NAA16: variants seen among roughly 807,000 people sequenced by gnomAD.
NAA16 encodes the protein NARG1-like protein.
NAA16 carries 97 observed loss-of-function variants against 110.3 expected under a neutral mutation model. The ratio of observed to expected loss-of-function variants is 0.88; its 90% CI spans 0.75 to 1.04. The LOEUF (loss-of-function observed/expected upper bound fraction) is 1.04. Among genes scored for constraint, NAA16 ranks in the 50% least tolerant of loss-of-function variants. The probability of loss-of-function intolerance (pLI) is 0.00; values close to 1 mark genes in which losing one functional copy is unlikely to be tolerated. For synonymous variants in NAA16, 372 were observed against 330.6 expected (o/e 1.13, Z -1.36); for missense variants, 1,017 against 1,005.1 (o/e 1.01, Z -0.16).
rs773104106 is a variant in NAA16, at chr13:41,373,654, C to T, written c.2173C>T (p.Leu725Phe). The change falls in exon 18 of 20, where the codon CTT (leucine) becomes TTT (phenylalanine). Residue 725 changes from leucine (L) to phenylalanine (F), a missense_variant. Coordinates refer to ENST00000379406, the MANE Select transcript of NAA16 (RefSeq NM_024561.5). ...FSKSVSNHSNLPDIVSKVLSQ... is the reference protein window; with the variant it reads ...FSKSVSNHSNFPDIVSKVLSQ... The stretch of plus-strand genomic sequence containing the variant: ...TTTTATAGTGTCTAATCATAGTAAT[C>T]TTCCAGACATTGTGAGCAAAGTTCT... 4.4e-6 allele frequency: 7 copies of T among 1,602,488 alleles called. No homozygotes were observed. In the East Asian group the frequency reaches 6.8e-5, roughly 15 times the overall value.
chr13:41,317,362 G>A (rs1338664503), intron 2 of NAA16, among the ~76,000 whole-genome samples: 1 of 151,852 alleles, frequency 6.6e-6, no homozygotes, highest in Non-Finnish European at 1.5e-5. Flanking sequence ...ATGTGCTGAC[G>A]TTTACATATG....
At chr13:41,349,065 A>T (rs2042759142) in intron 9 of NAA16, among the ~76,000 whole-genome samples, 1 of 152,080 alleles carries the variant, frequency 6.6e-6, no homozygotes, top group African/African-American at 2.4e-5. Context: ...TCTTGATCTA[A>T]AGAGCCAGGT....
chr13:41,345,133 A>T (rs1294219946), intron 9 of NAA16, among the ~76,000 whole-genome samples: 1 of 152,214 alleles, frequency 6.6e-6, no homozygotes, highest in South Asian at 2.1e-4. Flanking sequence ...GTTATTTTGA[A>T]TAATGCTGCT....
chr13:41,368,931 A>T (rs2043260608), intron 14 of NAA16, among the ~76,000 whole-genome samples, 159 bp from the exon 15 acceptor site: 1 of 152,204 alleles, frequency 6.6e-6, no homozygotes, highest in African/African-American at 2.4e-5. Context: ...GTCATTTTAT[A>T]TCACAGGCTT....
chr13:41,337,439 A>G (rs567628942), intron 9 of NAA16, among the ~76,000 whole-genome samples: 60 of 151,724 alleles, frequency 4.0e-4, no homozygotes, highest in African/African-American at 1.4e-3. Flanking sequence ...GCTACCCGGA[A>G]GCTTGAGGCA....
intron 9 of NAA16, among the ~76,000 whole-genome samples, chr13:41,337,235 C>G (rs1566264784): frequency 6.6e-6 from 1 of 152,090 alleles, no homozygotes; most frequent in Admixed American, 6.6e-5. Context: ...AAAGAATTGT[C>G]TTTCTGCTTT....
chr13:41,376,720 C>G lies in NAA16; in HGVS notation c.*1118C>G, dbSNP rs1246729205. On this transcript the variant is annotated 3_prime_UTR_variant, in exon 20 of 20. Transcript: ENST00000379406. ...TCTCGGCAAAATGAGATTTGAAACT[C>G]ATTAGTTTAACTCTTAAAACATAGT... The G allele has an allele frequency of 1.3e-5, 2 of 152,162 alleles. No homozygotes were observed. Among genetic ancestry groups the G allele is most frequent in the African/African-American group, 4.8e-5 (2 of 41,426 alleles). 9.4% of individuals were successfully genotyped at this position (152,162 alleles called of 1,614,324 possible). A position where few individuals can be genotyped will look rare whatever the true frequency, so the allele number is the denominator to read the frequency against.
Position 41,372,748 on chromosome 13 carries a change from G to A in NAA16, c.2073G>A (p.Met691Ile). ...IYFRKGKFLL[M>I]LQSVKRAFAI... Reference sequence around the variant, plus strand: ...CTGACACAGGAAAGTTTCTGTTAATGCTGCAGTCTGTCAAACGAGCTTTTG... The same window carrying A: ...CTGACACAGGAAAGTTTCTGTTAATACTGCAGTCTGTCAAACGAGCTTTTG... The change falls in exon 17 of 20, where the codon ATG becomes ATA. Residue 691 changes from methionine (M) to isoleucine (I), a missense_variant. Physicochemically the swap from Met to Ile is conservative, Grantham distance 10. Coordinates refer to ENST00000379406, the MANE Select transcript of NAA16 (RefSeq NM_024561.5). 6.2e-7 allele frequency: 1 copy of A among 1,600,340 alleles called. No homozygotes were observed. The highest frequency in any genetic ancestry group is 8.5e-7 in the Non-Finnish European group (1 of 1,171,936).
intron 10 of NAA16, among the ~76,000 whole-genome samples, chr13:41,356,276 C>T (rs1403797012): frequency 2.0e-5 from 3 of 152,218 alleles, no homozygotes; most frequent in Admixed American, 6.5e-5. Context: ...ATCTGCCTGT[C>T]TCAGCCTCCG....
Position 41,372,190 on chromosome 13 carries a change from T to C in NAA16, c.1948-13T>C. The stretch of plus-strand genomic sequence containing the variant: ...ATGTTTTTTAAATAATTTTCCTTTC[T>C]GTTTCAAAATAGGTAGAAAATCCAT... On this transcript the variant is annotated splice_polypyrimidine_tract_variant and intron_variant, in intron 15 of 19. Transcript: ENST00000379406. 1 of 1,506,380 alleles carries C rather than the reference T, an allele frequency of 6.6e-7. No homozygotes were observed. Among genetic ancestry groups the C allele is most frequent in the Non-Finnish European group, 8.9e-7 (1 of 1,121,018 alleles). 93.3% of individuals were successfully genotyped at this position (1,506,380 alleles called of 1,614,324 possible).
intron 2 of NAA16, among the ~76,000 whole-genome samples, chr13:41,317,972 T>TA (rs2041850889): frequency 6.6e-6 from 1 of 152,222 alleles, no homozygotes; most frequent in Non-Finnish European, 1.5e-5. Context: ...CTGATGTTAA[T>TA]TAGCCTAAGT....
Position 41,358,383 on chromosome 13 carries a change from G to A in NAA16, c.1167G>A (p.Gln389=), listed in dbSNP as rs2043040321. The part of the protein sequence containing the change: ...FLAQHFDKLG[Q]YSLALDYINA... Reference sequence around the variant, plus strand: ...CACAGCACTTTGATAAACTTGGACAGTATTCTTTGGCTTTGGATTATATTA... The same window carrying A: ...CACAGCACTTTGATAAACTTGGACAATATTCTTTGGCTTTGGATTATATTA... Residue 389 remains glutamine (Q), a synonymous_variant, in exon 11 of 20, where the codon CAG becomes CAA. Transcript: ENST00000379406. 6.2e-7 allele frequency: 1 copy of A among 1,613,794 alleles called. No individual in the cohort carries two copies. Among genetic ancestry groups the A allele is most frequent in the Non-Finnish European group, 8.5e-7 (1 of 1,179,722 alleles).
At chr13:41,350,626 TTG>T (rs1172995037) in intron 9 of NAA16, among the ~76,000 whole-genome samples, 4 of 106,200 alleles carry the variant, frequency 3.8e-5, no homozygotes, top group African/African-American at 1.8e-4. Flanking sequence ...TTTTGTTTGT[TTG>T]TTTTTTTTAA....
chr13:41,324,526 C>T (rs1380062647), intron 5 of NAA16, among the ~76,000 whole-genome samples: 1 of 151,622 alleles, frequency 6.6e-6, no homozygotes, highest in East Asian at 1.9e-4. Flanking sequence ...CAGGCCCCCA[C>T]CACTGGGTCT....
At chr13:41,326,219 G>A (rs924323214) in intron 6 of NAA16, among the ~76,000 whole-genome samples, 5 of 152,100 alleles carry the variant, frequency 3.3e-5, no homozygotes, top group African/African-American at 1.2e-4. Flanking sequence ...CATAACTGAT[G>A]ATACTGGGAT....
chr13:41,333,127 T>C (rs1288118353), intron 8 of NAA16, among the ~76,000 whole-genome samples: 1 of 152,134 alleles, frequency 6.6e-6, no homozygotes, highest in East Asian at 1.9e-4. Context: ...GAGCTTTTAA[T>C]ATACACTTTG....
chr13:41,313,093 TTTCTC>T lies in NAA16; in HGVS notation c.54+1514_54+1518del, dbSNP rs773330702. Among the ~76,000 whole-genome samples the T allele has an allele frequency of 3.2e-4, 49 of 152,304 alleles. 1 individual carries two copies. The Middle Eastern group carries it at 0.02, about 63-fold the overall frequency. On this transcript the variant is annotated intron_variant, in intron 1 of 19. Coordinates refer to ENST00000379406, the MANE Select transcript of NAA16 (RefSeq NM_024561.5). ...ATACTTTAAAGATGACAGCACTTCT[TTTCTC>T]TTTATACGAGTTTTTTGTAGTTCAA...
intron 15 of NAA16, 128 bp downstream of exon 15, chr13:41,369,411 C>A: frequency 3.1e-6 from 3 of 957,378 alleles, no homozygotes; most frequent in Non-Finnish European, 4.4e-6. Context: ...TTTATAATAG[C>A]CGTCAATTAT....
In NAA16 at chr13:41,376,255, C is replaced by CTGG. The variant is rs1391544577; in HGVS notation, c.*654_*655insGGT. ...AGTGAGCCGAGATCATGCCACTGCACTCCAGCCTGGGCAACAGAGCAAGAC... is the reference window on the plus strand; with the variant it reads ...AGTGAGCCGAGATCATGCCACTGCACTGGTCCAGCCTGGGCAACAGAGCAAGAC... On this transcript the variant is annotated 3_prime_UTR_variant, in exon 20 of 20. Coordinates refer to ENST00000379406, the MANE Select transcript of NAA16 (RefSeq NM_024561.5). 2 of 152,344 alleles carry CTGG rather than the reference C, an allele frequency of 1.3e-5. No homozygotes were observed. The highest frequency in any genetic ancestry group is 2.9e-5 in the Non-Finnish European group (2 of 68,142). 9.4% of individuals were successfully genotyped at this position (152,344 alleles called of 1,614,324 possible).
Sources: allele counts gnomAD v4.1 joint callset (sites outside exome capture counted in the v4.1 genomes callset), GRCh38; gene constraint gnomAD v4.1.1; transcripts MANE v1.5; gene names NCBI Gene and HGNC (gene_info 2026-07-23, HGNC 2026-07-21).